The following DNAH2 variants were observed in gnomAD, a reference collection of about 807,000 sequenced individuals.
The protein encoded by DNAH2 is axonemal beta dynein heavy chain 2.
In DNAH2, 323 loss-of-function variants were observed where a neutral mutation model predicts 523.5. The ratio of observed to expected loss-of-function variants is 0.62; its 90% CI spans 0.56 to 0.68. The LOEUF is 0.68. Among genes scored for constraint, DNAH2 ranks in the 30% least tolerant of loss-of-function variants. DNAH2 has a pLI of 0.00. For synonymous variants in DNAH2, 2,093 were observed against 2,177.4 expected (o/e 0.96, Z 1.08); for missense variants, 4,907 against 5,701.5 (o/e 0.86, Z 4.49).
intron 15 of DNAH2, 69 bp from the exon 16 acceptor site, chr17:7,759,353 G>A: frequency 1.3e-6 from 2 of 1,541,644 alleles, no homozygotes; most frequent in East Asian, 2.3e-5. Flanking sequence ...CTGTTGGCTG[G>A]TTCTCACTTC....
At position 7,801,978 on chromosome 17, in the gene DNAH2, C is replaced by T; in HGVS notation, c.8933C>T (p.Thr2978Ile). Residue 2978 changes from threonine (T) to isoleucine (I), a missense_variant, in exon 58 of 86, where the codon ACA becomes ATA. Coordinates refer to ENST00000572933, the MANE Select transcript of DNAH2 (RefSeq NM_020877.5). ...LLELRRHNYV[T>I]PTKYLELLSG... is the part of the protein sequence containing the mutation. ...GAACTGCGGAGACACAACTATGTCA[C>T]ACCCACCAAATACCTGGAACTCCTG... The T allele has an allele frequency of 6.2e-7, 1 of 1,614,202 alleles. No individual in the cohort carries two copies. The highest frequency in any genetic ancestry group is 8.5e-7 in the Non-Finnish European group (1 of 1,180,046).
chr17:7,823,683 A>T, intron 74 of DNAH2, 55 bp downstream of exon 74: 1 of 1,594,826 alleles, frequency 6.3e-7, no homozygotes, highest in Non-Finnish European at 8.6e-7. Flanking sequence ...ATTCAGCCAC[A>T]TGCCGGCCCT....
Position 7,747,432 on chromosome 17 carries a change from C to T in DNAH2, c.1904+4290C>T, listed in dbSNP as rs181035995. ...ACTATTGATGGACTTATAAATTGTACAGTTTCTGTAAGGTTCTTGACTATT... is the reference window on the plus strand; with the variant it reads ...ACTATTGATGGACTTATAAATTGTATAGTTTCTGTAAGGTTCTTGACTATT... On this transcript the variant is annotated intron_variant, in intron 12 of 85. Transcript: ENST00000572933. Among the ~76,000 whole-genome samples, 5 of 152,202 alleles carry T rather than the reference C, an allele frequency of 3.3e-5. No homozygotes were observed. In the East Asian group the frequency reaches 9.6e-4, roughly 29 times the overall value.
intron 51 of DNAH2, 65 bp downstream of exon 51, chr17:7,797,326 C>A: frequency 2.5e-6 from 4 of 1,613,444 alleles, no homozygotes. Flanking sequence ...CTACTTTGTT[C>A]CCAGCCTGAC....
chr17:7,775,990 G>A (rs778194041), intron 30 of DNAH2, 34 bp from the exon 31 acceptor site: 1 of 1,611,248 alleles, frequency 6.2e-7, no homozygotes, highest in Non-Finnish European at 8.5e-7. Flanking sequence ...TGCCCCCTCA[G>A]GCTGAGCTGC....
chr17:7,764,313 C>T, intron 20 of DNAH2, 40 bp downstream of exon 20: 1 of 1,562,862 alleles, frequency 6.4e-7, no homozygotes, highest in Non-Finnish European at 8.7e-7. Flanking sequence ...GGACCCGTAT[C>T]AGCAGCAGAT....
At chr17:7,817,201 T>C in intron 64 of DNAH2, 89 bp from the exon 65 acceptor site, 5 of 1,495,392 alleles carry the variant, frequency 3.3e-6, no homozygotes, top group Non-Finnish European at 4.4e-6. Flanking sequence ...AACCTGACAG[T>C]GTCCAGAAGA....
chr17:7,774,767 G>A lies in DNAH2; in HGVS notation c.4510G>A (p.Asp1504Asn), dbSNP rs79662110. 4.0e-3 allele frequency: 6,501 copies of A among 1,613,926 alleles called. 212 individuals carry two copies. In the Admixed American group the frequency reaches 0.07, roughly 17 times the overall value. The change falls in exon 29 of 86, where the codon GAC (aspartate) becomes AAC (asparagine). Residue 1504 changes from aspartate (D) to asparagine (N), a missense_variant. This residue lies in a region of DNAH2 where 2,806 missense variants were observed against 3,190.8 expected (regional missense o/e 0.88). Transcript: ENST00000572933. ...ATCGCTCTTCTTCCCAGGCCTCCTG[G>A]ACACATTGATAGAAATGAATACAAT... ...LRSTHHPGLL[D>N]TLIEMNTILE... is the part of the protein sequence containing the mutation.
chr17:7,818,023 G>A lies in DNAH2; in HGVS notation c.10314G>A (p.Val3438=). The A allele has an allele frequency of 6.2e-7, 1 of 1,614,100 alleles. No individual in the cohort carries two copies. Among genetic ancestry groups the A allele is most frequent in the South Asian group, 1.1e-5 (1 of 91,088 alleles). The change falls in exon 68 of 86, where the codon GTG becomes GTA. Residue 3438 remains valine, a synonymous_variant. Transcript: ENST00000572933. ...ACGCCATTCACTTTGGATACCCGGT[G>A]CTACTTCAGAACGTGCAGGAATATC... The part of the protein sequence containing the change: ...LEHAIHFGYP[V]LLQNVQEYLD...
chr17:7,735,815 C>T (rs368040710), intron 7 of DNAH2, among the ~76,000 whole-genome samples: 58 of 152,000 alleles, frequency 3.8e-4, no homozygotes, highest in African/African-American at 1.3e-3. Context: ...TGCAGTAGCG[C>T]GATCTCGGCT....
In DNAH2 at chr17:7,817,249, G is replaced by T. The variant is rs777303423; in HGVS notation, c.9895-41G>T. The T allele has an allele frequency of 7.0e-6, 11 of 1,573,874 alleles. No individual in the cohort carries two copies. The Admixed American group carries it at 2.1e-4, about 31-fold the overall frequency. On this transcript the variant is annotated intron_variant, in intron 64 of 85. Coordinates refer to ENST00000572933, the MANE Select transcript of DNAH2 (RefSeq NM_020877.5). ...AAGCATTCCAAGTGTCTCCCAGAGT[G>T]CTGGGGCCCAGGCAGGCTTACCCTC...
chr17:7,822,340 A>C (rs535873137), intron 73 of DNAH2, among the ~76,000 whole-genome samples: 2 of 152,226 alleles, frequency 1.3e-5, no homozygotes, highest in East Asian at 3.9e-4. Context: ...CCCACCACAC[A>C]GCCCCCACTC....
At chr17:7,737,357 G>C in intron 8 of DNAH2, 99 bp downstream of exon 8, 2 of 1,324,246 alleles carry the variant, frequency 1.5e-6, no homozygotes, top group African/African-American at 2.9e-5. Context: ...TGGTTGAAAA[G>C]GTAGTGAAGA....
chr17:7,787,056 G>T lies in DNAH2; in HGVS notation c.6603+23G>T, dbSNP rs770539828. The T allele has an allele frequency of 2.5e-6, 4 of 1,612,858 alleles. No homozygotes were observed. The South Asian group carries it at 4.4e-5, about 18-fold the overall frequency. ...CAGGTCAGGGACGCGGCTGACTCCT[G>T]GAGGCCTGCAGAGGCAGGCACCGGA... On this transcript the variant is annotated intron_variant, in intron 42 of 85. Transcript: ENST00000572933.
chr17:7,816,557 C>T lies in DNAH2; in HGVS notation c.9730-14C>T, dbSNP rs780566111. 5.0e-6 allele frequency: 8 copies of T among 1,614,048 alleles called. No individual in the cohort carries two copies. The highest frequency in any genetic ancestry group is 2.2e-5 in the East Asian group (1 of 44,884). On this transcript the variant is annotated splice_polypyrimidine_tract_variant and intron_variant, in intron 63 of 85. Coordinates refer to ENST00000572933, the MANE Select transcript of DNAH2 (RefSeq NM_020877.5). ...AGCCCTGTGTTTGATGCGCTATACT[C>T]GAATCTCTCCCAGGTAGCTGAGAAA...
chr17:7,797,611 A>C, intron 52 of DNAH2, 69 bp from the exon 53 acceptor site: 1 of 1,613,832 alleles, frequency 6.2e-7, no homozygotes, highest in Non-Finnish European at 8.5e-7. Context: ...TGGGGTCTGA[A>C]GTGTGGAGCC....
Position 7,797,460 on chromosome 17 carries a change from C to T in DNAH2, c.8010C>T (p.Ser2670=), listed in dbSNP as rs770307421. 9.3e-6 allele frequency: 15 copies of T among 1,614,052 alleles called. 1 individual carries two copies. Among genetic ancestry groups the T allele is most frequent in the South Asian group, 8.8e-5 (8 of 91,092 alleles). ...CAGAAGCCTTCATGGGCATCATAAGCGACAAGCTCGGCTCCTTCTTTGACC... is the reference window on the plus strand; with the variant it reads ...CAGAAGCCTTCATGGGCATCATAAGTGACAAGCTCGGCTCCTTCTTTGACC... The part of the protein sequence containing the change: ...ADTEAFMGII[S]DKLGSFFDLT... Residue 2670 remains serine, a synonymous_variant, in exon 52 of 86, where the codon AGC becomes AGT. Coordinates refer to ENST00000572933, the MANE Select transcript of DNAH2 (RefSeq NM_020877.5).
intron 2 of DNAH2, among the ~76,000 whole-genome samples, chr17:7,723,126 C>T (rs913867477): frequency 2.0e-5 from 3 of 150,842 alleles, no homozygotes; most frequent in Non-Finnish European, 2.9e-5. Flanking sequence ...CCCACCAGCA[C>T]ATCTGGCTAA....
intron 3 of DNAH2, among the ~76,000 whole-genome samples, chr17:7,724,273 A>C (rs368622936): frequency 8.2e-4 from 125 of 152,186 alleles, no homozygotes; most frequent in African/African-American, 2.9e-3. Context: ...AGAAAAGTAA[A>C]ATAGAGAAAA....
Sources: gnomAD v4.1 joint callset for allele counts (sites outside exome capture counted in the v4.1 genomes callset) on GRCh38, gnomAD v4.1.1 for gene constraint, gnomAD v4.1.1 regional missense constraint, MANE v1.5 for transcripts, NCBI Gene and HGNC (gene_info 2026-07-23, HGNC 2026-07-21) for gene names.